Variants in SCAPER observed in about 807,000 individuals in gnomAD.
SCAPER encodes S-phase cyclin A associated protein in the ER.
A neutral mutation model predicts 182.2 loss-of-function variants in SCAPER; 98 were observed. The observed-to-expected ratio is 0.54, with a 90% CI of 0.46 to 0.64. The LOEUF (loss-of-function observed/expected upper bound fraction) is 0.64, where lower values mean the gene tolerates loss of function less well. Ranked by LOEUF, SCAPER falls within the 30% of genes least tolerant of loss-of-function variation. The probability of loss-of-function intolerance (pLI) is 0.00; values close to 1 mark genes in which losing one functional copy is unlikely to be tolerated. For synonymous variants in SCAPER, 605 were observed against 564.6 expected (o/e 1.07, Z -1.01); for missense variants, 1,432 against 1,690.0 (o/e 0.85, Z 2.68).
chr15:76,586,462 G>A (rs1410831547), intron 22 of SCAPER, among the ~76,000 whole-genome samples: 1 of 152,060 alleles, frequency 6.6e-6, no homozygotes, highest in Non-Finnish European at 1.5e-5. Flanking sequence ...CTTTTACTGA[G>A]AAAAGATATT....
At chr15:76,897,409 T>C (rs1269988149) in intron 1 of SCAPER, among the ~76,000 whole-genome samples, 1 of 149,826 alleles carries the variant, frequency 6.7e-6, no homozygotes, top group Non-Finnish European at 1.5e-5. Context: ...AAAAAAGAAA[T>C]GTTACTTCAA....
At position 76,598,425 on chromosome 15, in the gene SCAPER, A is replaced by C. The variant is rs1442619764; in HGVS notation, c.2711+23339T>G. Among the ~76,000 whole-genome samples, 2 of 121,608 alleles carry C rather than the reference A, an allele frequency of 1.6e-5. 1 individual carries two copies. The highest frequency in any genetic ancestry group is 4.0e-5 in the Non-Finnish European group (2 of 50,144). 79.8% of individuals were successfully genotyped at this position (121,608 alleles called of 152,430 possible). A position where few individuals can be genotyped will look rare whatever the true frequency, so the allele number is the denominator to read the frequency against. On this transcript the variant is annotated intron_variant, in intron 22 of 31. Coordinates refer to ENST00000563290, the MANE Select transcript of SCAPER (RefSeq NM_020843.4). ...TCAAAGATGTAGAACTAGAAATGCC[A>C]TTTGACCCAGCAATCCCATCACTGG...
intron 24 of SCAPER, among the ~76,000 whole-genome samples, chr15:76,480,435 C>G (rs1567228643): frequency 1.3e-5 from 2 of 152,220 alleles, no homozygotes; most frequent in Non-Finnish European, 2.9e-5. Context: ...GAGACGTAAT[C>G]TAGGCCTGGC....
chr15:76,821,547 C>G (rs1211307922), intron 5 of SCAPER, among the ~76,000 whole-genome samples: 2 of 151,628 alleles, frequency 1.3e-5, no homozygotes, highest in Non-Finnish European at 1.5e-5. Flanking sequence ...TCACTTGAGC[C>G]TGGGAAGTTG....
intron 2 of SCAPER, among the ~76,000 whole-genome samples, chr15:76,876,027 G>A (rs984106977): frequency 8.5e-5 from 13 of 152,322 alleles, no homozygotes; most frequent in Non-Finnish European, 1.6e-4. Context: ...CCAGTCGGCC[G>A]GCACTGCTGG....
At chr15:76,629,574 A>G (rs1252046472) in intron 21 of SCAPER, among the ~76,000 whole-genome samples, 1 of 152,086 alleles carries the variant, frequency 6.6e-6, no homozygotes, top group Admixed American at 6.5e-5. Context: ...ACTGATTTGC[A>G]TATGTTGAAG....
At chr15:76,889,257 G>A (rs996344680) in intron 1 of SCAPER, among the ~76,000 whole-genome samples, 3 of 152,164 alleles carry the variant, frequency 2.0e-5, no homozygotes, top group African/African-American at 7.2e-5. Flanking sequence ...TGCTATGAAG[G>A]AACTGCATCA....
At chr15:76,398,310 G>A (rs775825478) in intron 27 of SCAPER, among the ~76,000 whole-genome samples, 3 of 152,202 alleles carry the variant, frequency 2.0e-5, no homozygotes, top group Admixed American at 1.3e-4. Context: ...AGCATGTTAA[G>A]TGCTTTTGTT....
intron 21 of SCAPER, among the ~76,000 whole-genome samples, chr15:76,635,766 C>A (rs566990128): frequency 5.9e-5 from 9 of 152,062 alleles, no homozygotes; most frequent in African/African-American, 2.2e-4. Flanking sequence ...GTGTTTATCA[C>A]AAAAGGTCGG....
chr15:76,835,353 A>T (rs2068836446), intron 5 of SCAPER, among the ~76,000 whole-genome samples: 2 of 152,216 alleles, frequency 1.3e-5, no homozygotes, highest in Non-Finnish European at 2.9e-5. Context: ...CACCATGATC[A>T]AGTAGGCTTT....
chr15:76,611,622 A>G (rs1021987686), intron 22 of SCAPER, among the ~76,000 whole-genome samples: 3 of 152,140 alleles, frequency 2.0e-5, no homozygotes, highest in African/African-American at 7.2e-5. Context: ...AGATACAACA[A>G]AAAAAGAAAG....
chr15:76,569,808 C>T (rs984817621), intron 23 of SCAPER, among the ~76,000 whole-genome samples: 1 of 151,928 alleles, frequency 6.6e-6, no homozygotes, highest in Non-Finnish European at 1.5e-5. Context: ...TGTTACCTCA[C>T]CTATAATTTT....
chr15:76,763,127 C>T (rs1026841051), intron 14 of SCAPER, among the ~76,000 whole-genome samples: 1 of 152,192 alleles, frequency 6.6e-6, no homozygotes, highest in Non-Finnish European at 1.5e-5. Flanking sequence ...ACTCCATTAG[C>T]ATTTCTTCTC....
intron 22 of SCAPER, among the ~76,000 whole-genome samples, chr15:76,584,588 C>T (rs2048496513): frequency 6.6e-6 from 1 of 152,156 alleles, no homozygotes; most frequent in Admixed American, 6.5e-5. Context: ...ATCTAAGGCT[C>T]AAGAAAGTTA....
rs149853044 is a variant in SCAPER at position 76,601,672 on chromosome 15, G to C, written c.2711+20092C>G. Among the ~76,000 whole-genome samples, 12 of 121,708 alleles carry C rather than the reference G, an allele frequency of 9.9e-5. 1 individual carries two copies. In the East Asian group the frequency reaches 1.5e-3, roughly 16 times the overall value. The allele number at this position is 121,708 out of a possible 152,430, so 79.8% of individuals were successfully genotyped here. On this transcript the variant is annotated intron_variant, in intron 22 of 31. Transcript: ENST00000563290. Reference sequence around the variant, plus strand: ...GACTGTATATTTCTTATTTTTAGTAGTTGCAAACTAAAAGTTTGCAGTATA... The same window carrying C: ...GACTGTATATTTCTTATTTTTAGTACTTGCAAACTAAAAGTTTGCAGTATA...
At chr15:76,756,630 A>G (rs2062452433) in intron 14 of SCAPER, among the ~76,000 whole-genome samples, 1 of 152,064 alleles carries the variant, frequency 6.6e-6, no homozygotes, top group Non-Finnish European at 1.5e-5. Flanking sequence ...CCTTTTTCAC[A>G]GAAAAATGTG....
At position 76,685,817 on chromosome 15, in the gene SCAPER, G is replaced by C. The variant is rs147840403; in HGVS notation, c.2508+15941C>G. Among the ~76,000 whole-genome samples, 97 of 152,102 alleles carry C rather than the reference G, an allele frequency of 6.4e-4. No homozygotes were observed. The Middle Eastern group carries it at 0.01, about 16-fold the overall frequency. On this transcript the variant is annotated intron_variant, in intron 20 of 31. Transcript: ENST00000563290. ...ACATGATAATGGAGCAGACAAACGA[G>C]GATAGGGAATCCAGAAACAGTTCAT...
intron 23 of SCAPER, among the ~76,000 whole-genome samples, chr15:76,513,299 G>A (rs111337862): frequency 6.6e-6 from 1 of 152,270 alleles, no homozygotes; most frequent in African/African-American, 2.4e-5. Context: ...CAACATAGAG[G>A]CATGTTAAAT....
intron 16 of SCAPER, among the ~76,000 whole-genome samples, chr15:76,729,585 G>A (rs999196951): frequency 3.3e-5 from 5 of 152,032 alleles, no homozygotes; most frequent in Non-Finnish European, 5.9e-5. Flanking sequence ...AGTGGATATC[G>A]GGTCAGATTC....
Sources: allele counts gnomAD v4.1 joint callset (sites outside exome capture counted in the v4.1 genomes callset), GRCh38; gene constraint gnomAD v4.1.1; transcripts MANE v1.5; gene names NCBI Gene and HGNC (gene_info 2026-07-23, HGNC 2026-07-21).